The following TTC3 variants were observed in gnomAD, a reference collection of about 807,000 sequenced individuals.
TTC3 encodes the protein E3 ubiquitin-protein ligase TTC3.
In TTC3, 180 loss-of-function variants were observed where a neutral mutation model predicts 249.6. That is an observed-to-expected ratio of 0.72 (90% CI 0.64 to 0.82). The LOEUF (loss-of-function observed/expected upper bound fraction) is 0.82, where lower values mean the gene tolerates loss of function less well. Among genes scored for constraint, TTC3 ranks in the 40% least tolerant of loss-of-function variants. TTC3 has a pLI of 0.00. For missense variants in TTC3, 2,061 were observed against 2,398.4 expected (o/e 0.86, Z 2.94); for synonymous variants, 717 against 805.0 (o/e 0.89, Z 1.85).
chr21:37,093,052 T>C (rs2073479473), intron 7 of TTC3, among the ~76,000 whole-genome samples: 1 of 152,116 alleles, frequency 6.6e-6, no homozygotes, highest in South Asian at 2.1e-4. Flanking sequence ...TACCCCAAAA[T>C]TTGAAACCTT....
intron 42 of TTC3, 70 bp from the exon 43 acceptor site, chr21:37,197,500 T>G: frequency 6.3e-7 from 1 of 1,592,402 alleles, no homozygotes; most frequent in Non-Finnish European, 8.6e-7. Context: ...GTTGGATTAA[T>G]ATTGGCATGT....
At chr21:37,156,963 G>C in intron 28 of TTC3, 57 bp downstream of exon 28, 2 of 1,562,744 alleles carry the variant, frequency 1.3e-6, no homozygotes, top group East Asian at 4.5e-5. Flanking sequence ...GAAAAAATCT[G>C]TGAAGGACCT....
intron 34 of TTC3, among the ~76,000 whole-genome samples, chr21:37,168,218 A>AAT (rs2081418085): frequency 6.6e-6 from 1 of 152,202 alleles, no homozygotes; most frequent in Non-Finnish European, 1.5e-5. Context: ...TAATATTTTA[A>AAT]GCCAAAAGCC....
At chr21:37,102,306 A>T (rs958038604) in intron 10 of TTC3, among the ~76,000 whole-genome samples, 2 of 152,230 alleles carry the variant, frequency 1.3e-5, no homozygotes, top group African/African-American at 4.8e-5. Flanking sequence ...TGATCTGGTC[A>T]TATCCTGAAA....
intron 39 of TTC3, among the ~76,000 whole-genome samples, chr21:37,189,957 G>T (rs1393081521): frequency 6.6e-6 from 1 of 151,936 alleles, no homozygotes; most frequent in Non-Finnish European, 1.5e-5. Flanking sequence ...CTCTATGTGG[G>T]ATTACTTTTC....
rs573079160 is a variant in TTC3, at chr21:37,082,391, G to A, written c.-11-4856G>A. ...AATGTAGCTGTCACCTCATGTGTTTGGTGATCATTGATTATGAACTTCTGT... is the reference window on the plus strand; with the variant it reads ...AATGTAGCTGTCACCTCATGTGTTTAGTGATCATTGATTATGAACTTCTGT... On this transcript the variant is annotated intron_variant, in intron 1 of 45. Coordinates refer to ENST00000355666, the Ensembl canonical transcript of TTC3. 193 of 669,024 alleles carry A rather than the reference G, an allele frequency of 2.9e-4. No individual in the cohort carries two copies. The African/African-American group carries it at 3.4e-3, about 12-fold the overall frequency. The allele number at this position is 669,024 out of a possible 1,614,324, so 41.4% of individuals were successfully genotyped here.
intron 34 of TTC3, among the ~76,000 whole-genome samples, chr21:37,171,462 C>A (rs897215558): frequency 6.6e-6 from 1 of 152,134 alleles, no homozygotes; most frequent in African/African-American, 2.4e-5. Context: ...ACAGAAGTAT[C>A]GTGAAGTTTA....
chr21:37,135,064 T>C (rs987022657), intron 17 of TTC3, among the ~76,000 whole-genome samples: 10 of 152,214 alleles, frequency 6.6e-5, no homozygotes, highest in African/African-American at 1.2e-4. Context: ...GTTTTTCATA[T>C]ATATTGTTAA....
At chr21:37,159,805 AAGGGGACCCAGGCC>A (rs2080519867) in intron 29 of TTC3, 60 bp downstream of exon 29, 1 of 1,532,232 alleles carries the variant, frequency 6.5e-7, no homozygotes, top group Non-Finnish European at 9.0e-7. Context: ...CAAGGATGAG[AAGGGGACCCAGGCC>A]AGTGTTTATT....
At chr21:37,153,338 G>A in intron 27 of TTC3, 61 bp downstream of exon 27, 1 of 1,430,400 alleles carries the variant, frequency 7.0e-7, no homozygotes, top group Non-Finnish European at 9.4e-7. Context: ...GTAGGTCTCT[G>A]AGTCATTTTC....
exon 35 of TTC3, chr21:37,172,736 G>A (rs2081914287): frequency 6.2e-7 from 1 of 1,613,814 alleles, no homozygotes; most frequent in Non-Finnish European, 8.5e-7. Flanking sequence ...GCACTTAGAA[G>A]AAAACAAGGT....
intron 19 of TTC3, 75 bp from the exon 20 acceptor site, chr21:37,140,486 A>G (rs79639569): frequency 6.7e-6 from 7 of 1,049,630 alleles, no homozygotes; most frequent in Non-Finnish European, 9.3e-6. Context: ...TATAAAAAAA[A>G]TCAACCTTTA....
Position 37,172,592 on chromosome 21 carries a change from T to C in TTC3, c.4468-3T>C, listed in dbSNP as rs2081901509. ...AATAGATTGTTTTGTAATTCACTTT[T>C]AGGGGGAAATTTCACGGATTGAAAA... On this transcript the variant is annotated splice_region_variant and splice_polypyrimidine_tract_variant and intron_variant, in intron 34 of 45. Coordinates refer to ENST00000355666, the Ensembl canonical transcript of TTC3. 1.2e-6 allele frequency: 2 copies of C among 1,608,724 alleles called. No individual in the cohort carries two copies. Among genetic ancestry groups the C allele is most frequent in the Non-Finnish European group, 1.7e-6 (2 of 1,178,614 alleles).
chr21:37,130,637 CT>C (rs1200384549), intron 16 of TTC3, among the ~76,000 whole-genome samples: 4 of 152,160 alleles, frequency 2.6e-5, no homozygotes, highest in Non-Finnish European at 5.9e-5. Flanking sequence ...TACAAAATAT[CT>C]TGTGTTTCTT....
chr21:37,122,989 C>T (rs1289797938), exon 13 of TTC3: 8 of 1,613,648 alleles, frequency 5.0e-6, no homozygotes, highest in Non-Finnish European at 5.9e-6. Context: ...ATAGGTCGAA[C>T]AGCAAATAAG....
intron 35 of TTC3, 115 bp downstream of exon 35, chr21:37,172,859 T>G (rs1398462739): frequency 7.9e-7 from 1 of 1,272,116 alleles, no homozygotes; most frequent in Non-Finnish European, 1.1e-6. Flanking sequence ...AAACAAAAGA[T>G]TCTTTCTCAG....
chr21:37,074,435 G>T (rs1788574040), intron 1 of TTC3, among the ~76,000 whole-genome samples: 1 of 152,240 alleles, frequency 6.6e-6, no homozygotes, highest in South Asian at 2.1e-4. Flanking sequence ...AACCCCCTCA[G>T]TTGCAGAGAC....
At chr21:37,202,970 A>C (rs2085623973) in exon 46 of TTC3, 1 of 152,224 alleles carries the variant, frequency 6.6e-6, no homozygotes, top group South Asian at 2.1e-4. Flanking sequence ...CATGAGGATC[A>C]GTTTGCAGCA....
At chr21:37,116,984 T>G (rs1199708947) in intron 11 of TTC3, among the ~76,000 whole-genome samples, 6 of 152,192 alleles carry the variant, frequency 3.9e-5, no homozygotes, top group African/African-American at 1.4e-4. Flanking sequence ...ATACTTCCAT[T>G]ACTGCTCTGC....
Sources: allele counts gnomAD v4.1 joint callset (sites outside exome capture counted in the v4.1 genomes callset), GRCh38; gene constraint gnomAD v4.1.1; transcripts MANE v1.5; gene names NCBI Gene and HGNC (gene_info 2026-07-23, HGNC 2026-07-21).